The following DGKB variants were observed in gnomAD, a reference collection of about 807,000 sequenced individuals.
The protein encoded by DGKB is diacylglycerol kinase beta.
A neutral mutation model predicts 114.3 loss-of-function variants in DGKB; 67 were observed. That is an observed-to-expected ratio of 0.59 (90% CI 0.48 to 0.72). The LOEUF (loss-of-function observed/expected upper bound fraction) is 0.72. Among genes scored for constraint, DGKB ranks in the 30% least tolerant of loss-of-function variants. The probability of loss-of-function intolerance (pLI) is 0.00; values close to 1 mark genes in which losing one functional copy is unlikely to be tolerated. For synonymous variants in DGKB, 398 were observed against 323.1 expected, an observed-to-expected ratio of 1.23 and a Z score of -2.49; for missense variants, 907 against 975.2, an observed-to-expected ratio of 0.93 and a Z score of 0.93.
At chr7:14,968,599 G>A (rs1446027240) in intron 1 of DGKB, among the ~76,000 whole-genome samples, 2 of 152,114 alleles carry the variant, frequency 1.3e-5, no homozygotes, top group Non-Finnish European at 2.9e-5. Flanking sequence ...AGGAACCTGA[G>A]TGTCATCCAG....
intron 23 of DGKB, among the ~76,000 whole-genome samples, chr7:14,309,812 A>G (rs963005349): frequency 2.0e-5 from 3 of 152,202 alleles, no homozygotes; most frequent in Non-Finnish European, 2.9e-5. Context: ...GATTTCTAAG[A>G]GAGAAGAAGG....
At chr7:14,286,127 T>C (rs192402195) in intron 23 of DGKB, among the ~76,000 whole-genome samples, 2 of 152,222 alleles carry the variant, frequency 1.3e-5, no homozygotes, top group Admixed American at 6.6e-5. Context: ...CCAAGCATTC[T>C]CCTCAACCAG....
intron 25 of DGKB, among the ~76,000 whole-genome samples, chr7:14,153,041 T>A (rs1320593220): frequency 6.6e-6 from 1 of 152,098 alleles, no homozygotes; most frequent in Non-Finnish European, 1.5e-5. Context: ...AGAGGGTATT[T>A]GTATCTCACA....
chr7:14,702,441 G>A (rs1825361460), intron 6 of DGKB, among the ~76,000 whole-genome samples: 1 of 152,164 alleles, frequency 6.6e-6, no homozygotes, highest in African/African-American at 2.4e-5. Context: ...GCTTCAGAGG[G>A]TAACTGATGT....
chr7:14,479,456 G>A (rs1266331835), intron 20 of DGKB, among the ~76,000 whole-genome samples: 1 of 152,040 alleles, frequency 6.6e-6, no homozygotes, highest in Non-Finnish European at 1.5e-5. Context: ...ATCCATGAAT[G>A]AAAATCACCC....
Position 14,965,599 on chromosome 7 carries a change from A to G in DGKB, c.-188+9097T>C, listed in dbSNP as rs185638668. Among the ~76,000 whole-genome samples the G allele has an allele frequency of 2.9e-3, 435 of 152,254 alleles. 2 individuals carry two copies. The highest frequency in any genetic ancestry group is 0.01 in the African/African-American group (426 of 41,582). On this transcript the variant is annotated intron_variant, in intron 1 of 4. Transcript: ENST00000437998. ...AGTGTATATTCATGGTTATCAATTA[A>G]TGATTACTAATCTCATATACATTCA...
At chr7:14,797,497 G>A (rs953742985) in intron 2 of DGKB, among the ~76,000 whole-genome samples, 10 of 152,186 alleles carry the variant, frequency 6.6e-5, no homozygotes, top group South Asian at 6.2e-4. Flanking sequence ...GCTGTCTTTC[G>A]TGGAATATAT....
intron 20 of DGKB, among the ~76,000 whole-genome samples, chr7:14,501,438 T>G (rs1392323091): frequency 6.6e-6 from 1 of 151,934 alleles, no homozygotes; most frequent in Non-Finnish European, 1.5e-5. Context: ...GCTTATAGTT[T>G]GGCTAAAAGT....
At chr7:14,602,279 C>T (rs1381383193) in intron 17 of DGKB, among the ~76,000 whole-genome samples, 1 of 152,148 alleles carries the variant, frequency 6.6e-6, no homozygotes, top group Admixed American at 6.6e-5. Flanking sequence ...TTAGATGAGA[C>T]TCTGGGTTTT....
At chr7:14,962,019 T>C (rs1283082192) in intron 1 of DGKB, among the ~76,000 whole-genome samples, 1 of 152,116 alleles carries the variant, frequency 6.6e-6, no homozygotes, top group Non-Finnish European at 1.5e-5. Flanking sequence ...AGTGGGGCGA[T>C]ATATTTACGA....
intron 20 of DGKB, among the ~76,000 whole-genome samples, chr7:14,492,307 G>A (rs543606024): frequency 6.6e-6 from 1 of 152,008 alleles, no homozygotes; most frequent in African/African-American, 2.4e-5. Flanking sequence ...AAATCTTGTT[G>A]AGGGAGTGAG....
chr7:14,535,603 T>A (rs778996320), intron 20 of DGKB, among the ~76,000 whole-genome samples: 13 of 152,254 alleles, frequency 8.5e-5, no homozygotes, highest in Middle Eastern at 6.8e-3. Flanking sequence ...TAAAATTCAT[T>A]TGGAGACGGA....
At chr7:14,822,657 G>C (rs904741941) in intron 2 of DGKB, among the ~76,000 whole-genome samples, 2 of 152,108 alleles carry the variant, frequency 1.3e-5, no homozygotes. Flanking sequence ...AGTGTATTTA[G>C]AGGTTGATAG....
chr7:14,829,065 T>G (rs1266620182), intron 2 of DGKB, among the ~76,000 whole-genome samples: 1 of 152,122 alleles, frequency 6.6e-6, no homozygotes, highest in Non-Finnish European at 1.5e-5. Flanking sequence ...TCAGATGATG[T>G]GTCTTATTGA....
intron 23 of DGKB, among the ~76,000 whole-genome samples, chr7:14,225,774 T>C (rs1422137732): frequency 3.3e-5 from 5 of 152,000 alleles, no homozygotes; most frequent in Non-Finnish European, 7.4e-5. Context: ...CATTTTCTAC[T>C]TTGTCTACCA....
At chr7:14,363,843 C>A (rs1022442613) in intron 21 of DGKB, among the ~76,000 whole-genome samples, 1 of 151,966 alleles carries the variant, frequency 6.6e-6, no homozygotes. Flanking sequence ...TATCTACACT[C>A]TTAGAGTGGA....
intron 1 of DGKB, among the ~76,000 whole-genome samples, chr7:14,872,135 T>C (rs962430058): frequency 6.6e-6 from 1 of 152,192 alleles, no homozygotes; most frequent in African/African-American, 2.4e-5. Flanking sequence ...AAGTCATCTC[T>C]AGGGTTTAAT....
At chr7:14,317,514 A>G (rs1769351677) in intron 23 of DGKB, among the ~76,000 whole-genome samples, 1 of 151,952 alleles carries the variant, frequency 6.6e-6, no homozygotes, top group Non-Finnish European at 1.5e-5. Flanking sequence ...GAGCCAAATC[A>G]TGAGTGAACT....
intron 23 of DGKB, among the ~76,000 whole-genome samples, chr7:14,203,161 C>CAA (rs374610278): frequency 3.0e-4 from 29 of 96,140 alleles, no homozygotes; most frequent in African/African-American, 9.5e-4. Context: ...GAGCAGTAGC[C>CAA]AAAAAAAAAA....
Sources: gnomAD v4.1 joint callset for allele counts (sites outside exome capture counted in the v4.1 genomes callset) on GRCh38, gnomAD v4.1.1 for gene constraint, MANE v1.5 for transcripts, NCBI Gene and HGNC (gene_info 2026-07-23, HGNC 2026-07-21) for gene names.